FBXL7: variants seen among roughly 807,000 people sequenced by gnomAD.
The protein encoded by FBXL7 is F-box and leucine rich repeat protein 7.
Under a neutral mutation model 38.3 loss-of-function variants are expected in FBXL7, and 12 were observed. The observed-to-expected ratio is 0.31, with a 90% CI of 0.20 to 0.51. FBXL7 has a LOEUF of 0.51. Among genes scored for constraint, FBXL7 ranks in the 20% least tolerant of loss-of-function variants. The probability of loss-of-function intolerance (pLI) is 0.98; values close to 1 mark genes in which losing one functional copy is unlikely to be tolerated. For synonymous variants in FBXL7, 297 were observed against 300.9 expected (o/e 0.99, Z 0.13); for missense variants, 567 against 676.4 (o/e 0.84, Z 1.79).
intron 1 of FBXL7, among the ~76,000 whole-genome samples, chr5:15,572,808 C>T (rs1365963351): frequency 1.3e-5 from 2 of 152,140 alleles, no homozygotes; most frequent in Non-Finnish European, 2.9e-5. Context: ...GTCCAAGCAG[C>T]GTAAACCACA....
intron 2 of FBXL7, among the ~76,000 whole-genome samples, chr5:15,902,896 T>G (rs16867816): frequency 0.047 from 7,194 of 152,310 alleles, 546 homozygotes; most frequent in African/African-American, 0.16. Flanking sequence ...GATGCAGGCT[T>G]CGAGCAGTAG....
chr5:15,619,182 C>T (rs1434521660), intron 2 of FBXL7, among the ~76,000 whole-genome samples: 2 of 152,088 alleles, frequency 1.3e-5, no homozygotes, highest in East Asian at 3.9e-4. Flanking sequence ...CCTTTTTCCC[C>T]GGTGGCATGG....
chr5:15,914,809 G>A (rs1399455145), intron 2 of FBXL7, among the ~76,000 whole-genome samples: 1 of 152,180 alleles, frequency 6.6e-6, no homozygotes, highest in Admixed American at 6.5e-5. Context: ...CTTCTGGGTG[G>A]CTGAATCCAT....
intron 2 of FBXL7, among the ~76,000 whole-genome samples, chr5:15,782,261 T>A (rs1737016673): frequency 6.6e-6 from 1 of 152,220 alleles, no homozygotes; most frequent in African/African-American, 2.4e-5. Flanking sequence ...AAGTCTTTGC[T>A]ATTGTGAATA....
intron 1 of FBXL7, among the ~76,000 whole-genome samples, chr5:15,541,100 A>G (rs1360679698): frequency 6.6e-6 from 1 of 151,490 alleles, no homozygotes; most frequent in Non-Finnish European, 1.5e-5. Flanking sequence ...GAGTATGTAT[A>G]TGCATATACA....
At chr5:15,867,525 C>T (rs1739767566) in intron 2 of FBXL7, among the ~76,000 whole-genome samples, 1 of 152,160 alleles carries the variant, frequency 6.6e-6, no homozygotes, top group African/African-American at 2.4e-5. Context: ...TATTGTTTTC[C>T]CAAAATGCCC....
chr5:15,865,569 C>T (rs560802089), intron 2 of FBXL7, among the ~76,000 whole-genome samples: 58 of 152,244 alleles, frequency 3.8e-4, no homozygotes, highest in Non-Finnish European at 5.7e-4. Context: ...ACAAGCCTCT[C>T]ACTCTTAGCA....
chr5:15,937,027 G>A lies in FBXL7; in HGVS notation c.1317G>A (p.Glu439=), dbSNP rs371568458. The A allele has an allele frequency of 3.1e-6, 5 of 1,614,032 alleles. No individual in the cohort carries two copies. Among genetic ancestry groups the A allele is most frequent in the East Asian group, 2.2e-5 (1 of 44,860 alleles). The change falls in exon 4 of 4, where the codon GAG becomes GAA. Residue 439 remains glutamate (E), a synonymous_variant. Transcript: ENST00000504595. ...AGCGGCTCAGCCTCAAGTCCTGCGA[G>A]AGCATCACCGGCCAGGGCTTGCAGA... ...NLKRLSLKSC[E]SITGQGLQIV...
At chr5:15,772,345 G>A (rs1287519705) in intron 2 of FBXL7, among the ~76,000 whole-genome samples, 1 of 152,166 alleles carries the variant, frequency 6.6e-6, no homozygotes, top group African/African-American at 2.4e-5. Flanking sequence ...AGCAAGAAAG[G>A]TGAAGGCAGC....
chr5:15,588,320 T>G lies in FBXL7; in HGVS notation c.38-27663T>G, dbSNP rs115615047. ...TACTGCACATTGTAAATTACTGATG[T>G]GTAAATCAGTGACTTCACTCATCAC... On this transcript the variant is annotated intron_variant, in intron 1 of 3. Coordinates refer to ENST00000504595, the MANE Select transcript of FBXL7 (RefSeq NM_012304.5). 3.3e-3 allele frequency among the ~76,000 whole-genome samples: 495 copies of G among 152,272 alleles called. 5 individuals are homozygous for G. Among genetic ancestry groups the G allele is most frequent in the African/African-American group, 0.011 (474 of 41,558 alleles).
chr5:15,648,474 T>C (rs1362718035), intron 2 of FBXL7, among the ~76,000 whole-genome samples: 1 of 152,228 alleles, frequency 6.6e-6, no homozygotes, highest in East Asian at 1.9e-4. Flanking sequence ...ATAACATGGC[T>C]ATTTCTACAT....
chr5:15,847,876 G>C (rs1738960825), intron 2 of FBXL7, among the ~76,000 whole-genome samples: 1 of 152,122 alleles, frequency 6.6e-6, no homozygotes, highest in African/African-American at 2.4e-5. Context: ...CAGACAGCAA[G>C]AAAACAGGGG....
In FBXL7 at chr5:15,912,729, C is replaced by T. The variant is rs1338419470; in HGVS notation, c.128-15161C>T. Among the ~76,000 whole-genome samples the T allele has an allele frequency of 3.3e-5, 5 of 152,170 alleles. No individual in the cohort carries two copies. In the Middle Eastern group the frequency reaches 0.01, roughly 311 times the overall value. On this transcript the variant is annotated intron_variant, in intron 2 of 3. Coordinates refer to ENST00000504595, the MANE Select transcript of FBXL7 (RefSeq NM_012304.5). ...ACTCTAGAATTAGGCCCATGTTACT[C>T]CACCATAAAAGTCCTGCCTCCCGCA...
At chr5:15,861,480 C>T (rs893297337) in intron 2 of FBXL7, among the ~76,000 whole-genome samples, 1 of 152,144 alleles carries the variant, frequency 6.6e-6, no homozygotes, top group Non-Finnish European at 1.5e-5. Context: ...TGCACGGACA[C>T]CCAACAAAGG....
At chr5:15,751,287 T>C (rs1423575178) in intron 2 of FBXL7, among the ~76,000 whole-genome samples, 1 of 152,152 alleles carries the variant, frequency 6.6e-6, no homozygotes, top group Non-Finnish European at 1.5e-5. Context: ...AGTGGTCAGA[T>C]GGTAACTGGA....
chr5:15,858,679 A>C (rs769900895), intron 2 of FBXL7, among the ~76,000 whole-genome samples: 9 of 152,284 alleles, frequency 5.9e-5, no homozygotes, highest in Non-Finnish European at 1.3e-4. Context: ...TACCTCGGCC[A>C]AATGTTAGTT....
At chr5:15,796,505 T>G (rs1737420330) in intron 2 of FBXL7, among the ~76,000 whole-genome samples, 1 of 152,098 alleles carries the variant, frequency 6.6e-6, no homozygotes, top group Non-Finnish European at 1.5e-5. Context: ...CAAGCCTTGT[T>G]CAACAATTTT....
chr5:15,820,280 G>A (rs1050000199), intron 2 of FBXL7, among the ~76,000 whole-genome samples: 2 of 151,714 alleles, frequency 1.3e-5, no homozygotes, highest in African/African-American at 2.4e-5. Context: ...GTTCTTGTCT[G>A]TGTGTGTCCT....
intron 2 of FBXL7, among the ~76,000 whole-genome samples, chr5:15,860,001 C>G (rs944487563): frequency 2.0e-5 from 3 of 152,144 alleles, no homozygotes; most frequent in African/African-American, 7.2e-5. Flanking sequence ...GAAACACAAT[C>G]AGAAAATGCA....
Sources: allele counts gnomAD v4.1 joint callset (sites outside exome capture counted in the v4.1 genomes callset), GRCh38; gene constraint gnomAD v4.1.1; transcripts MANE v1.5; gene names NCBI Gene and HGNC (gene_info 2026-07-23, HGNC 2026-07-21).